The following DYM variants were observed in gnomAD, a reference collection of about 807,000 sequenced individuals.
DYM encodes the protein dymeclin, also known as dyggve-Melchior-Clausen syndrome protein.
In DYM, 78 loss-of-function variants were observed where a neutral mutation model predicts 93.1. The observed-to-expected ratio is 0.84, with a 90% confidence interval of 0.70 to 1.01. The LOEUF is 1.01. Among genes scored for constraint, DYM ranks in the 50% least tolerant of loss-of-function variants. The pLI, the probability that DYM is intolerant of heterozygous loss-of-function variation, is 0.00. For missense variants in DYM, 789 were observed against 845.0 expected (o/e 0.93, Z 0.82); for synonymous variants, 321 against 319.7 (o/e 1.00, Z -0.04).
chr18:49,166,623 A>T (rs1231217313), intron 14 of DYM, among the ~76,000 whole-genome samples: 1 of 152,126 alleles, frequency 6.6e-6, no homozygotes, highest in Non-Finnish European at 1.5e-5. Flanking sequence ...AAGGTAAAAA[A>T]ATTGGGATTG....
chr18:49,275,887 A>AT (rs1489571725), intron 10 of DYM, among the ~76,000 whole-genome samples: 1 of 152,078 alleles, frequency 6.6e-6, no homozygotes, highest in Non-Finnish European at 1.5e-5. Context: ...TAAAAATACT[A>AT]TTTTTTGCAT....
At position 49,320,626 on chromosome 18, in the gene DYM, C is replaced by A. The variant is rs2062398207; in HGVS notation, c.763+11238G>T. On this transcript the variant is annotated intron_variant, in intron 8 of 17. Transcript: ENST00000675505. The stretch of plus-strand genomic sequence containing the variant: ...AATAGCTGGGATTACAGGTGCAACA[C>A]CAAGTCCAGATAATTTTAGTATTTT... 1.3e-5 allele frequency among the ~76,000 whole-genome samples: 2 copies of A among 152,032 alleles called. 1 individual carries two copies. Among genetic ancestry groups the A allele is most frequent in the South Asian group, 4.1e-4 (2 of 4,824 alleles).
intron 8 of DYM, among the ~76,000 whole-genome samples, chr18:49,310,354 G>A (rs1193102437): frequency 6.6e-6 from 1 of 151,924 alleles, no homozygotes; most frequent in Non-Finnish European, 1.5e-5. Flanking sequence ...TGAAGGAAAG[G>A]GTAAACTTGA....
intron 2 of DYM, among the ~76,000 whole-genome samples, chr18:49,423,302 C>A (rs1057225103): frequency 7.9e-5 from 12 of 152,172 alleles, no homozygotes; most frequent in African/African-American, 2.9e-4. Flanking sequence ...CTACTGGGTA[C>A]ATAACAAAAG....
intron 16 of DYM, among the ~76,000 whole-genome samples, chr18:49,103,105 A>T (rs2080363497): frequency 6.6e-6 from 1 of 152,142 alleles, no homozygotes; most frequent in Non-Finnish European, 1.5e-5. Flanking sequence ...AATGATTGCC[A>T]TTCTAACTGG....
chr18:49,271,797 A>G (rs34085345), intron 11 of DYM, among the ~76,000 whole-genome samples: 7 of 152,030 alleles, frequency 4.6e-5, no homozygotes, highest in Admixed American at 2.6e-4. Context: ...ATATAAAACA[A>G]TGGATTTCTC....
At chr18:49,094,278 T>C (rs951268220) in intron 17 of DYM, among the ~76,000 whole-genome samples, 1 of 152,178 alleles carries the variant, frequency 6.6e-6, no homozygotes, top group Non-Finnish European at 1.5e-5. Context: ...CCCATCACCA[T>C]GACATTCAAA....
intron 2 of DYM, among the ~76,000 whole-genome samples, chr18:49,421,555 G>A (rs1284779728): frequency 6.6e-6 from 1 of 152,212 alleles, no homozygotes; most frequent in East Asian, 1.9e-4. Context: ...AGAAACCAGA[G>A]CAGAAAAGCT....
chr18:49,343,363 G>C (rs1292272209), intron 6 of DYM, among the ~76,000 whole-genome samples: 1 of 152,172 alleles, frequency 6.6e-6, no homozygotes, highest in Non-Finnish European at 1.5e-5. Flanking sequence ...ACCGCCTCAA[G>C]GCCTTGAAGC....
chr18:49,384,301 G>A (rs1213444886), intron 3 of DYM, among the ~76,000 whole-genome samples: 3 of 126,722 alleles, frequency 2.4e-5, no homozygotes, highest in East Asian at 2.6e-4. Context: ...CAGCATGAGC[G>A]ACAGAGTGAG....
At position 49,223,266 on chromosome 18, in the gene DYM, C is replaced by T. The variant is rs557290447; in HGVS notation, c.1461-13551G>A. Among the ~76,000 whole-genome samples the T allele has an allele frequency of 3.5e-4, 54 of 152,208 alleles. 1 individual carries two copies. The South Asian group carries it at 0.011, about 31-fold the overall frequency. ...AAAGAAAAGCAAGCAAGGGGTACTGCACAACTTTTTTCTTAAACTTAGGTC... is the reference window on the plus strand; with the variant it reads ...AAAGAAAAGCAAGCAAGGGGTACTGTACAACTTTTTTCTTAAACTTAGGTC... On this transcript the variant is annotated intron_variant, in intron 13 of 17. Coordinates refer to ENST00000675505, the MANE Select transcript of DYM (RefSeq NM_001353214.3).
chr18:49,186,774 C>G (rs933421419), intron 14 of DYM, among the ~76,000 whole-genome samples: 1 of 151,976 alleles, frequency 6.6e-6, no homozygotes, highest in Non-Finnish European at 1.5e-5. Flanking sequence ...ATCTAGTAAC[C>G]AAAAATGCAC....
intron 17 of DYM, among the ~76,000 whole-genome samples, chr18:49,091,263 C>T (rs2079024432): frequency 6.6e-6 from 1 of 152,138 alleles, no homozygotes; most frequent in Non-Finnish European, 1.5e-5. Flanking sequence ...CTGGAGCTTA[C>T]ATTATCTAGG....
Position 49,192,221 on chromosome 18 carries a change from C to G in DYM, c.1625+17330G>C, listed in dbSNP as rs556392931. Among the ~76,000 whole-genome samples the G allele has an allele frequency of 3.3e-5, 5 of 151,466 alleles. No homozygotes were observed. In the East Asian group the frequency reaches 9.7e-4, roughly 29 times the overall value. On this transcript the variant is annotated intron_variant, in intron 14 of 17. Coordinates refer to ENST00000675505, the MANE Select transcript of DYM (RefSeq NM_001353214.3). Reference sequence around the variant, plus strand: ...ACAGGCATGGGCCACTGCACCTAGCCTCTAGCAAGTCATTTAATCACTCTG... The same window carrying G: ...ACAGGCATGGGCCACTGCACCTAGCGTCTAGCAAGTCATTTAATCACTCTG...
chr18:49,046,470 CACACACACACAG>C (rs1023306055), intron 17 of DYM, among the ~76,000 whole-genome samples: 46 of 150,300 alleles, frequency 3.1e-4, no homozygotes, highest in East Asian at 1.4e-3. Context: ...CAGACACACC[CACACACACACAG>C]ACACACACAC....
At chr18:49,389,300 ATG>A (rs368243116) in intron 3 of DYM, among the ~76,000 whole-genome samples, 6 of 151,796 alleles carry the variant, frequency 4.0e-5, no homozygotes, top group South Asian at 2.1e-4. Context: ...ACAGATTAAA[ATG>A]TGTGTGTGTG....
intron 1 of DYM, among the ~76,000 whole-genome samples, chr18:49,457,874 T>C (rs1345199493): frequency 1.3e-5 from 2 of 152,136 alleles, no homozygotes; most frequent in African/African-American, 4.8e-5. Flanking sequence ...GATGGAAGTA[T>C]GATCAGAGAG....
chr18:49,195,284 T>A (rs575197589), intron 14 of DYM, among the ~76,000 whole-genome samples: 1 of 152,356 alleles, frequency 6.6e-6, no homozygotes, highest in South Asian at 2.1e-4. Flanking sequence ...GCATTATAAC[T>A]GTACATATTT....
At chr18:49,206,670 G>T (rs917144423) in intron 14 of DYM, 1 of 152,756 alleles carries the variant, frequency 6.5e-6, no homozygotes, top group Non-Finnish European at 1.5e-5. Context: ...GTGAAAGTTG[G>T]TTGGGGGTAT....
Sources: gnomAD v4.1 joint callset for allele counts (sites outside exome capture counted in the v4.1 genomes callset) on GRCh38, gnomAD v4.1.1 for gene constraint, MANE v1.5 for transcripts, NCBI Gene and HGNC (gene_info 2026-07-23, HGNC 2026-07-21) for gene names.